Variants in HPSE2 observed in about 807,000 individuals in gnomAD.
HPSE2 encodes the protein inactive heparanase-2.
In HPSE2, 38 loss-of-function variants were observed where a neutral mutation model predicts 60.5. That is an observed-to-expected ratio of 0.63 (90% CI 0.48 to 0.82). The LOEUF is 0.82. Among genes scored for constraint, HPSE2 ranks in the 40% least tolerant of loss-of-function variants. HPSE2 has a pLI of 0.00. For missense variants in HPSE2, 713 were observed against 740.4 expected, an observed-to-expected ratio of 0.96 and a Z score of 0.43; for synonymous variants, 295 against 293.2, an observed-to-expected ratio of 1.01 and a Z score of -0.06.
At chr10:98,514,113 T>C (rs1427325682) in intron 9 of HPSE2, among the ~76,000 whole-genome samples, 1 of 152,104 alleles carries the variant, frequency 6.6e-6, no homozygotes, top group East Asian at 1.9e-4. Flanking sequence ...GGAGTGACTT[T>C]CTGAAACATG....
chr10:98,828,776 G>A (rs1275274639), intron 3 of HPSE2, among the ~76,000 whole-genome samples: 1 of 152,084 alleles, frequency 6.6e-6, no homozygotes, highest in Non-Finnish European at 1.5e-5. Flanking sequence ...AATGTAAAAT[G>A]GTGTATAAAA....
intron 3 of HPSE2, among the ~76,000 whole-genome samples, chr10:99,102,020 C>A (rs1358908973): frequency 6.6e-6 from 1 of 152,106 alleles, no homozygotes; most frequent in Non-Finnish European, 1.5e-5. Flanking sequence ...TAAATGCCCA[C>A]AAGAGAAAGC....
At chr10:99,132,206 AGAGAGAGAGAGAGAGAGAGAGAG>A (rs1564832950) in intron 3 of HPSE2, among the ~76,000 whole-genome samples, 6 of 24,466 alleles carry the variant, frequency 2.5e-4, no homozygotes, top group Non-Finnish European at 5.2e-4. Flanking sequence ...AGAGAGAGAG[AGAGAGAGAGAGAGAGAGAGAGAG>A]AGAGAGAGAG....
At position 98,941,337 on chromosome 10, in the gene HPSE2, T is replaced by C. The variant is rs566944000; in HGVS notation, c.611-197281A>G. Among the ~76,000 whole-genome samples the C allele has an allele frequency of 2.7e-3, 336 of 123,498 alleles. 6 individuals carry two copies. The East Asian group carries it at 0.04, about 15-fold the overall frequency. 81.0% of individuals were successfully genotyped at this position (123,498 alleles called of 152,430 possible). A position where few individuals can be genotyped will look rare whatever the true frequency, so the allele number is the denominator to read the frequency against. ...ATGATTGTATATCTAGAAAACCCCA[T>C]TGTCTCAGCCCGAAATCTCCTTAAG... is the stretch of plus-strand genomic sequence containing the variant. On this transcript the variant is annotated intron_variant, in intron 3 of 11. Transcript: ENST00000370552.
At chr10:98,470,612 C>T (rs552094461) in intron 11 of HPSE2, among the ~76,000 whole-genome samples, 1 of 152,330 alleles carries the variant, frequency 6.6e-6, no homozygotes, top group East Asian at 1.9e-4. Context: ...AAGAAGAAGA[C>T]GAGGGCCATT....
At chr10:98,580,836 A>ATATGTGTGTGTG in intron 9 of HPSE2, among the ~76,000 whole-genome samples, 2 of 119,530 alleles carry the variant, frequency 1.7e-5, no homozygotes, top group African/African-American at 7.2e-5. Flanking sequence ...ATATATATAT[A>ATATGTGTGTGTG]TGTGTGTGTG....
chr10:98,750,506 T>C (rs531262198), intron 3 of HPSE2, among the ~76,000 whole-genome samples: 1 of 152,086 alleles, frequency 6.6e-6, no homozygotes, highest in East Asian at 1.9e-4. Flanking sequence ...AGCAAGGAAA[T>C]TAGGAGTCTA....
At chr10:99,240,800 C>A (rs928173261), upstream of HPSE2, among the ~76,000 whole-genome samples, 1 of 152,188 alleles carries the variant, frequency 6.6e-6, no homozygotes, top group African/African-American at 2.4e-5. Context: ...CCTGCCCTTT[C>A]CTTCTACTAA....
intron 2 of HPSE2, among the ~76,000 whole-genome samples, chr10:99,194,701 C>T (rs1440450821): frequency 6.6e-6 from 1 of 151,660 alleles, no homozygotes; most frequent in Non-Finnish European, 1.5e-5. Context: ...GAAAAAAATC[C>T]AAAACCTGAA....
chr10:98,676,766 CAG>C (rs950286096), intron 6 of HPSE2, among the ~76,000 whole-genome samples: 1 of 150,618 alleles, frequency 6.6e-6, no homozygotes, highest in African/African-American at 2.5e-5. Flanking sequence ...GGGAGTTAGA[CAG>C]AGAGTATAAA....
At position 99,195,475 on chromosome 10, in the gene HPSE2, T is replaced by TA. The variant is rs775634303; in HGVS notation, c.448+36872dup. Among the ~76,000 whole-genome samples the TA allele has an allele frequency of 6.0e-3, 904 of 150,774 alleles. 7 individuals carry two copies. The highest frequency in any genetic ancestry group is 0.021 in the African/African-American group (848 of 41,182). On this transcript the variant is annotated intron_variant, in intron 2 of 11. Transcript: ENST00000370552. ...ATTTGGAAAAAAACAAAGACTCCAT[T>TA]AAAAAAAAACTATTAGAACTGATAA... is the stretch of plus-strand genomic sequence containing the variant.
chr10:98,946,022 G>GA (rs1291715650), intron 3 of HPSE2, among the ~76,000 whole-genome samples: 2 of 151,878 alleles, frequency 1.3e-5, no homozygotes, highest in South Asian at 2.1e-4. Flanking sequence ...GTGACAATTT[G>GA]AAAAAACAGA....
intron 2 of HPSE2, among the ~76,000 whole-genome samples, chr10:99,213,620 T>C (rs189461650): frequency 6.6e-6 from 1 of 152,090 alleles, no homozygotes; most frequent in African/African-American, 2.4e-5. Context: ...CCTTGAGTAT[T>C]TGTGCTCTGG....
At chr10:98,583,196 C>A (rs11189689) in intron 9 of HPSE2, among the ~76,000 whole-genome samples, 93,325 of 151,392 alleles carry the variant, frequency 0.62, 29,027 homozygotes, top group Middle Eastern at 0.7. Flanking sequence ...TGATCTTCTA[C>A]ACCCAAGTAA....
At chr10:98,552,702 C>T (rs1943897487) in intron 9 of HPSE2, among the ~76,000 whole-genome samples, 1 of 152,130 alleles carries the variant, frequency 6.6e-6, no homozygotes, top group Admixed American at 6.5e-5. Flanking sequence ...CCATCAATGA[C>T]ATGTCATTGT....
In HPSE2 at chr10:99,000,932, T is replaced by G. The variant is rs189386293; in HGVS notation, c.610+143306A>C. 1.5e-3 allele frequency among the ~76,000 whole-genome samples: 227 copies of G among 152,228 alleles called. 2 individuals carry two copies. Among genetic ancestry groups the G allele is most frequent in the Non-Finnish European group, 2.8e-3 (190 of 67,988 alleles). ...TGTCCTGTCCCCTGCGTGCACAGTG[T>G]TATATAGGATATTGGTCTCAATACA... On this transcript the variant is annotated intron_variant, in intron 3 of 11. Transcript: ENST00000370552.
intron 9 of HPSE2, among the ~76,000 whole-genome samples, chr10:98,503,019 C>T (rs1406299804): frequency 1.3e-5 from 2 of 152,052 alleles, no homozygotes; most frequent in Non-Finnish European, 2.9e-5. Context: ...TGAGATCAGC[C>T]TGGCCAACAT....
chr10:98,560,637 C>T (rs1374841752), intron 9 of HPSE2, among the ~76,000 whole-genome samples: 1 of 152,244 alleles, frequency 6.6e-6, no homozygotes, highest in Non-Finnish European at 1.5e-5. Context: ...AGTCCCACTA[C>T]AACTGCTTCA....
chr10:98,848,944 G>C (rs1341149503), intron 3 of HPSE2, among the ~76,000 whole-genome samples: 3 of 151,628 alleles, frequency 2.0e-5, no homozygotes, highest in Non-Finnish European at 4.4e-5. Context: ...TATATTGAAA[G>C]TACTTTAGGT....
Sources: allele counts gnomAD v4.1 joint callset (sites outside exome capture counted in the v4.1 genomes callset), GRCh38; gene constraint gnomAD v4.1.1; transcripts MANE v1.5; gene names NCBI Gene and HGNC (gene_info 2026-07-23, HGNC 2026-07-21).